SYNJ2: variants seen among roughly 807,000 people sequenced by gnomAD.
SYNJ2 encodes polyphosphatidylinositol phosphatase SYNJ2.
Under a neutral mutation model 141.3 loss-of-function variants are expected in SYNJ2, and 116 were observed. The ratio of observed to expected loss-of-function variants is 0.82; its 90% CI spans 0.71 to 0.96. SYNJ2 has a LOEUF of 0.96. Among genes scored for constraint, SYNJ2 ranks in the 40% least tolerant of loss-of-function variants. The pLI is 0.00. For synonymous variants in SYNJ2, 745 were observed against 777.7 expected (o/e 0.96, Z 0.70); for missense variants, 1,873 against 1,934.8 (o/e 0.97, Z 0.60).
chr6:158,068,303 G>A (rs752011447), intron 12 of SYNJ2, among the ~76,000 whole-genome samples: 3 of 152,168 alleles, frequency 2.0e-5, no homozygotes, highest in African/African-American at 7.2e-5. Context: ...ACTTTCTGCA[G>A]CAGCTGGAGC....
At chr6:158,008,553 A>G (rs1778152925) in intron 1 of SYNJ2, among the ~76,000 whole-genome samples, 1 of 152,168 alleles carries the variant, frequency 6.6e-6, no homozygotes, top group Non-Finnish European at 1.5e-5. Flanking sequence ...GAGCTGATCT[A>G]AGGTATAGGA....
At chr6:158,038,004 T>G (rs1474616122) in intron 4 of SYNJ2, among the ~76,000 whole-genome samples, 1 of 152,220 alleles carries the variant, frequency 6.6e-6, no homozygotes, top group Non-Finnish European at 1.5e-5. Flanking sequence ...TTGTCTCCTG[T>G]GTTGCCAGCC....
At chr6:158,030,831 A>T (rs972485914) in intron 3 of SYNJ2, 1 of 152,282 alleles carries the variant, frequency 6.6e-6, no homozygotes, top group African/African-American at 2.4e-5. Flanking sequence ...GGAGGCTGAG[A>T]TTGCAGTGAG....
chr6:158,003,886 T>G (rs1777952352), intron 1 of SYNJ2, among the ~76,000 whole-genome samples: 1 of 152,184 alleles, frequency 6.6e-6, no homozygotes, highest in African/African-American at 2.4e-5. Flanking sequence ...TGGGAGCCTC[T>G]CAAGTGGTGG....
At chr6:158,013,761 A>C (rs985113967) in intron 1 of SYNJ2, among the ~76,000 whole-genome samples, 1 of 152,242 alleles carries the variant, frequency 6.6e-6, no homozygotes, top group Non-Finnish European at 1.5e-5. Context: ...CTCTTGGTGT[A>C]AACGAGTGTG....
chr6:158,048,281 G>A (rs1417658751), intron 5 of SYNJ2, among the ~76,000 whole-genome samples: 1 of 152,154 alleles, frequency 6.6e-6, no homozygotes, highest in Non-Finnish European at 1.5e-5. Context: ...ACTGGGGAGG[G>A]GTGAGGAAGA....
At chr6:158,008,341 A>G (rs989569491) in intron 1 of SYNJ2, among the ~76,000 whole-genome samples, 5 of 152,232 alleles carry the variant, frequency 3.3e-5, no homozygotes, top group African/African-American at 1.2e-4. Context: ...AGATGAAATA[A>G]TGTGATGCCT....
chr6:157,983,131 A>C (rs1777075068), intron 1 of SYNJ2, among the ~76,000 whole-genome samples: 1 of 152,228 alleles, frequency 6.6e-6, no homozygotes. Context: ...TGCTTTGTAG[A>C]TGCCTCTAGC....
chr6:157,992,401 C>CTTTTTTTTTTTTT (rs57905567), intron 1 of SYNJ2, among the ~76,000 whole-genome samples: 19 of 120,396 alleles, frequency 1.6e-4, no homozygotes, highest in Non-Finnish European at 2.4e-4. Flanking sequence ...TGGCTTGTTT[C>CTTTTTTTTTTTTT]TTTTTTTTTT....
At chr6:158,045,547 C>T (rs759348315) in intron 5 of SYNJ2, among the ~76,000 whole-genome samples, 20 of 152,206 alleles carry the variant, frequency 1.3e-4, no homozygotes, top group Non-Finnish European at 1.9e-4. Flanking sequence ...TTTTGGGGTG[C>T]GCGGGAATAT....
At position 158,093,024 on chromosome 6, in the gene SYNJ2, C is replaced by CA; in HGVS notation, c.3665dup (p.Ala1223GlyfsTer35). On this transcript the variant is annotated frameshift_variant, in exon 26 of 27. Coordinates refer to ENST00000355585, the MANE Select transcript of SYNJ2 (RefSeq NM_003898.4). LOFTEE classifies it high-confidence loss of function. ...GGGGGCAGCCAAACCAGAGACCCCA[C>CA]AGGCGCCCCCACTCCTTCCCCGTCG... The CA allele has an allele frequency of 6.2e-7, 1 of 1,612,916 alleles. No individual in the cohort carries two copies. The highest frequency in any genetic ancestry group is 1.3e-5 in the African/African-American group (1 of 74,866).
intron 2 of SYNJ2, among the ~76,000 whole-genome samples, chr6:158,024,594 G>A (rs557943408): frequency 1.3e-5 from 2 of 152,186 alleles, no homozygotes; most frequent in Non-Finnish European, 2.9e-5. Context: ...TATTTACATT[G>A]TATTGTTTAC....
At chr6:158,068,442 C>A (rs577662307) in intron 12 of SYNJ2, among the ~76,000 whole-genome samples, 4 of 152,344 alleles carry the variant, frequency 2.6e-5, no homozygotes, top group African/African-American at 9.6e-5. Context: ...GGACGGAGGG[C>A]CCCTCTGGGC....
At chr6:158,062,668 C>T (rs912442480) in intron 8 of SYNJ2, among the ~76,000 whole-genome samples, 2 of 152,056 alleles carry the variant, frequency 1.3e-5, no homozygotes, top group African/African-American at 4.8e-5. Context: ...AGGGGGTCCT[C>T]ATTATTTGCA....
At chr6:158,009,643 G>T (rs1226830481) in intron 1 of SYNJ2, among the ~76,000 whole-genome samples, 2 of 152,204 alleles carry the variant, frequency 1.3e-5, no homozygotes, top group Non-Finnish European at 2.9e-5. Context: ...GCAACTAAAA[G>T]CGTGGGAGAC....
chr6:158,084,479 A>G lies in SYNJ2; in HGVS notation c.3208+305A>G, dbSNP rs1393735610. Among the ~76,000 whole-genome samples, 3 of 151,936 alleles carry G rather than the reference A, an allele frequency of 2.0e-5. No individual in the cohort carries two copies. Among genetic ancestry groups the G allele is most frequent in the Non-Finnish European group, 4.4e-5 (3 of 67,982 alleles). On this transcript the variant is annotated intron_variant, in intron 22 of 26. Coordinates refer to ENST00000355585, the MANE Select transcript of SYNJ2 (RefSeq NM_003898.4). The surrounding 1 kb of genome is among the most constrained non-coding windows in gnomAD (Gnocchi z 5.0). ...ATGGCCACGGTTCTGAACTGGTTTT[A>G]TATTTGTGATTATTTCCCGCCCCCA... is the stretch of plus-strand genomic sequence containing the variant.
At chr6:157,990,947 A>T (rs1166415581) in intron 1 of SYNJ2, among the ~76,000 whole-genome samples, 2 of 108,196 alleles carry the variant, frequency 1.8e-5, no homozygotes, top group Non-Finnish European at 3.7e-5. Flanking sequence ...TGAGGCTTAC[A>T]AGACACCTTG....
At chr6:158,088,528 G>A (rs1358857802) in intron 23 of SYNJ2, 132 bp from the exon 24 acceptor site, 5 of 672,320 alleles carry the variant, frequency 7.4e-6, no homozygotes, top group South Asian at 1.8e-5. Flanking sequence ...CCTAAGTGCC[G>A]AGTGAGTATT....
At chr6:158,064,470 C>T in intron 9 of SYNJ2, 131 bp from the exon 10 acceptor site, 3 of 1,156,228 alleles carry the variant, frequency 2.6e-6, no homozygotes, top group Non-Finnish European at 3.7e-6. Context: ...AACTCCTCAT[C>T]CTCTGGAGGG....
Sources: gnomAD v4.1 joint callset for allele counts (sites outside exome capture counted in the v4.1 genomes callset) on GRCh38, gnomAD v4.1.1 for gene constraint, Gnocchi (gnomAD v3.1) non-coding constraint, MANE v1.5 for transcripts, NCBI Gene and HGNC (gene_info 2026-07-23, HGNC 2026-07-21) for gene names.